The following GPC5 variants were observed in gnomAD, a reference collection of about 807,000 sequenced individuals.
GPC5 encodes glypican 5.
GPC5 carries 47 observed loss-of-function variants against 53.9 expected under a neutral mutation model. The ratio of observed to expected loss-of-function variants is 0.87; its 90% CI spans 0.69 to 1.11. The LOEUF (loss-of-function observed/expected upper bound fraction) is 1.11, where lower values mean the gene tolerates loss of function less well. GPC5 is among the 50% of genes most tolerant of loss of function. GPC5 has a pLI of 0.00. For synonymous variants in GPC5, 286 were observed against 263.3 expected (o/e 1.09, Z -0.84); for missense variants, 748 against 713.1 (o/e 1.05, Z -0.56).
intron 5 of GPC5, among the ~76,000 whole-genome samples, chr13:91,887,941 T>G (rs2039343151): frequency 6.6e-6 from 1 of 152,234 alleles, no homozygotes; most frequent in South Asian, 2.1e-4. Context: ...TTACAACCTC[T>G]GCTTGTTACC....
At chr13:91,729,572 C>T (rs1373558718) in intron 4 of GPC5, among the ~76,000 whole-genome samples, 1 of 152,042 alleles carries the variant, frequency 6.6e-6, no homozygotes, top group African/African-American at 2.4e-5. Context: ...GATAGGACAC[C>T]TAATTGCCTC....
At chr13:92,448,522 CAAATTTTAAAAATGCT>C (rs1877925008) in intron 7 of GPC5, 1 of 93,970 alleles carries the variant, frequency 1.1e-5, no homozygotes, top group South Asian at 3.3e-4. Flanking sequence ...TAACTATCTT[CAAATTTTAAAAATGCT>C]TTTAGAAATG....
intron 6 of GPC5, among the ~76,000 whole-genome samples, chr13:92,127,483 A>G (rs913364688): frequency 3.9e-5 from 6 of 152,206 alleles, no homozygotes; most frequent in African/African-American, 1.4e-4. Flanking sequence ...TACTGATAGA[A>G]CTAAATAGGG....
intron 6 of GPC5, among the ~76,000 whole-genome samples, chr13:91,993,790 CAG>C (rs60893384): frequency 0.11 from 17,277 of 152,108 alleles, 3,309 homozygotes; most frequent in African/African-American, 0.39. Flanking sequence ...CATGTTATTT[CAG>C]AGTGTCAGTT....
intron 7 of GPC5, among the ~76,000 whole-genome samples, chr13:92,185,604 C>G (rs2042178488): frequency 6.6e-6 from 1 of 151,932 alleles, no homozygotes; most frequent in Admixed American, 6.6e-5. Context: ...TTTGAGCTCA[C>G]AGAACCAGAA....
intron 7 of GPC5, among the ~76,000 whole-genome samples, chr13:92,323,905 C>CA (rs991459115): frequency 3.3e-5 from 5 of 151,762 alleles, no homozygotes; most frequent in African/African-American, 9.7e-5. Context: ...TGACTCATAT[C>CA]AAAAAAATAA....
chr13:91,812,450 C>T (rs143533068), intron 5 of GPC5, among the ~76,000 whole-genome samples: 1 of 152,306 alleles, frequency 6.6e-6, no homozygotes, highest in African/African-American at 2.4e-5. Flanking sequence ...CTGCTTTATA[C>T]TCTGCCACAC....
chr13:92,729,248 T>C (rs1371610513), intron 7 of GPC5, among the ~76,000 whole-genome samples: 1 of 151,346 alleles, frequency 6.6e-6, no homozygotes. Flanking sequence ...TCAACCATTT[T>C]GTATTTCCAT....
chr13:91,601,516 G>A (rs1299959299), intron 2 of GPC5, among the ~76,000 whole-genome samples: 1 of 152,146 alleles, frequency 6.6e-6, no homozygotes, highest in Non-Finnish European at 1.5e-5. Flanking sequence ...GAGATGAGCG[G>A]CAGGTGAGCA....
chr13:92,692,628 T>C (rs927022921), intron 7 of GPC5, among the ~76,000 whole-genome samples: 4 of 151,552 alleles, frequency 2.6e-5, no homozygotes, highest in African/African-American at 7.3e-5. Context: ...CATGTATACA[T>C]GTGTAACTAA....
chr13:92,109,505 C>A (rs546158836), intron 6 of GPC5, among the ~76,000 whole-genome samples: 6 of 152,222 alleles, frequency 3.9e-5, no homozygotes, highest in South Asian at 2.1e-4. Flanking sequence ...TTCCGTTAGG[C>A]TTTTAGTGAC....
rs186456127 is a variant in GPC5 at position 91,529,227 on chromosome 13, C to G, written c.325+80305C>G. 5.9e-5 allele frequency among the ~76,000 whole-genome samples: 9 copies of G among 152,160 alleles called. No individual in the cohort carries two copies. The East Asian group carries it at 1.7e-3, about 29-fold the overall frequency. On this transcript the variant is annotated intron_variant, in intron 2 of 7. Transcript: ENST00000377067. ...TTTTATTTTATTCATGCATATCCTG[C>G]CTTCATAAAAATTAAGAGCTTCATG...
intron 7 of GPC5, among the ~76,000 whole-genome samples, chr13:92,452,492 G>A (rs73632211): frequency 2.0e-5 from 3 of 152,014 alleles, no homozygotes; most frequent in Non-Finnish European, 4.4e-5. Flanking sequence ...CATCATATGT[G>A]CCCAACTTTG....
intron 7 of GPC5, among the ~76,000 whole-genome samples, chr13:92,426,629 T>C (rs1163187569): frequency 6.6e-6 from 1 of 152,094 alleles, no homozygotes; most frequent in African/African-American, 2.4e-5. Flanking sequence ...TTCCCTGTTT[T>C]TAGAGTTCTT....
At chr13:91,690,781 A>T (rs1272629494) in intron 2 of GPC5, among the ~76,000 whole-genome samples, 1 of 152,160 alleles carries the variant, frequency 6.6e-6, no homozygotes, top group Non-Finnish European at 1.5e-5. Context: ...GCAATGTTCA[A>T]CCTTTATTCC....
intron 7 of GPC5, among the ~76,000 whole-genome samples, chr13:92,654,002 G>A (rs1886044014): frequency 6.6e-6 from 1 of 152,222 alleles, no homozygotes; most frequent in Admixed American, 6.5e-5. Flanking sequence ...TTATCCTTCT[G>A]TGTCCCACAC....
Position 91,756,342 on chromosome 13 carries a change from T to C in GPC5, c.1202T>C (p.Leu401Pro), listed in dbSNP as rs144633839. 1.9e-6 allele frequency: 3 copies of C among 1,595,306 alleles called. No homozygotes were observed. In the African/African-American group the frequency reaches 4.0e-5, roughly 21 times the overall value. ...CTGTACAGGTCATTCTATGGAGGTC[T>C]AGCTGATCAGCTTTGTGCTAATGAA... Reference protein sequence around the residue: ...LRLYRSFYGGLADQLCANELA... With the variant: ...LRLYRSFYGGPADQLCANELA... Residue 401 changes from leucine (L) to proline (P), a missense_variant, in exon 5 of 8, where the codon CTA (leucine) becomes CCA (proline). Transcript: ENST00000377067.
intron 7 of GPC5, among the ~76,000 whole-genome samples, chr13:92,205,934 C>T (rs570407985): frequency 2.0e-5 from 3 of 148,344 alleles, no homozygotes; most frequent in Non-Finnish European, 4.4e-5. Flanking sequence ...CTCAGCTAAT[C>T]GGGAAGCTGA....
chr13:91,654,425 T>C (rs1204340908), intron 2 of GPC5, among the ~76,000 whole-genome samples: 1 of 152,154 alleles, frequency 6.6e-6, no homozygotes, highest in Non-Finnish European at 1.5e-5. Context: ...AGTGGAATAA[T>C]GATGAAATTA....
Sources: allele counts gnomAD v4.1 joint callset (sites outside exome capture counted in the v4.1 genomes callset), GRCh38; gene constraint gnomAD v4.1.1; transcripts MANE v1.5; gene names NCBI Gene and HGNC (gene_info 2026-07-23, HGNC 2026-07-21).